Variants in CACNB4 observed in about 807,000 individuals in gnomAD.
The protein encoded by CACNB4 is calcium voltage-gated channel auxiliary subunit beta 4.
Under a neutral mutation model 71.2 loss-of-function variants are expected in CACNB4, and 32 were observed. The observed-to-expected ratio is 0.45, with a 90% confidence interval of 0.34 to 0.60. CACNB4 has a LOEUF of 0.60. Among genes scored for constraint, CACNB4 ranks in the 20% least tolerant of loss-of-function variants. The probability of loss-of-function intolerance (pLI) is 0.01; values close to 1 mark genes in which losing one functional copy is unlikely to be tolerated. For synonymous variants in CACNB4, 231 were observed against 236.9 expected (o/e 0.97, Z 0.23); for missense variants, 464 against 647.9 (o/e 0.72, Z 3.08).
chr2:151,906,242 C>T (rs1223923733), intron 2 of CACNB4, among the ~76,000 whole-genome samples: 2 of 152,208 alleles, frequency 1.3e-5, no homozygotes, highest in African/African-American at 4.8e-5. Context: ...AGCATCTCAC[C>T]AACCCCTTTA....
intron 10 of CACNB4, 26 bp from the exon 11 acceptor site, chr2:151,855,401 C>A (rs2099840024): frequency 3.9e-6 from 6 of 1,531,662 alleles, no homozygotes; most frequent in Non-Finnish European, 5.4e-6. Context: ...ATAAATAGAT[C>A]CCGGTTATTG....
At chr2:151,885,241 C>T (rs983660252) in intron 2 of CACNB4, among the ~76,000 whole-genome samples, 4 of 152,226 alleles carry the variant, frequency 2.6e-5, no homozygotes, top group African/African-American at 9.6e-5. Context: ...GTCTTCTTGT[C>T]TATTAAAGAG....
intron 2 of CACNB4, chr2:151,962,717 T>A (rs556221406): frequency 3.9e-4 from 59 of 152,370 alleles, no homozygotes; most frequent in African/African-American, 1.2e-3. Context: ...ATTTAAGTTT[T>A]ATGGGTGTAT....
At chr2:151,870,163 T>C (rs1282477610) in intron 8 of CACNB4, 2 of 641,462 alleles carry the variant, frequency 3.1e-6, no homozygotes, top group African/African-American at 3.6e-5. Flanking sequence ...TGCTGGAAGA[T>C]TGATTGTTTG....
At chr2:151,854,996 C>T (rs1382175079) in intron 11 of CACNB4, 1 of 365,820 alleles carries the variant, frequency 2.7e-6, no homozygotes, top group Non-Finnish European at 4.9e-6. Context: ...TATACACTTG[C>T]ATAACTGTCT....
chr2:151,963,212 T>C (rs2099870123), intron 2 of CACNB4, among the ~76,000 whole-genome samples: 1 of 149,256 alleles, frequency 6.7e-6, no homozygotes, highest in Admixed American at 6.8e-5. Context: ...CATGGGAGGC[T>C]GAGGCAGGAG....
intron 2 of CACNB4, among the ~76,000 whole-genome samples, chr2:152,084,036 G>A (rs1478143847): frequency 6.6e-6 from 1 of 152,156 alleles, no homozygotes; most frequent in Non-Finnish European, 1.5e-5. Context: ...TGTGAGTATG[G>A]CGTAACTGAG....
intron 2 of CACNB4, among the ~76,000 whole-genome samples, chr2:152,073,601 G>A (rs1686821893): frequency 6.6e-6 from 1 of 152,172 alleles, no homozygotes; most frequent in South Asian, 2.1e-4. Flanking sequence ...GTTAAGTAAT[G>A]TTAAGGGATT....
chr2:151,883,266 C>T lies in CACNB4; in HGVS notation c.252G>A (p.Gln84=), dbSNP rs1277200374. ...RQEREQQAAI[Q]LERAKSKPVA... Reference sequence around the variant, plus strand: ...AGAGACTCACCTTTGCTCTCTCAAGCTGGATAGCTGCTTGCTGTTCTCTCT... The same window carrying T: ...AGAGACTCACCTTTGCTCTCTCAAGTTGGATAGCTGCTTGCTGTTCTCTCT... Residue 84 remains glutamine (Q), a synonymous_variant, in exon 3 of 14, where the codon CAG becomes CAA. Coordinates refer to ENST00000539935, the MANE Select transcript of CACNB4 (RefSeq NM_000726.5). The T allele has an allele frequency of 6.2e-7, 1 of 1,613,982 alleles. No individual in the cohort carries two copies. The highest frequency in any genetic ancestry group is 1.7e-5 in the Admixed American group (1 of 60,028).
chr2:151,882,135 T>TCCCAAAGTGCCTC (rs1308963129), intron 3 of CACNB4, among the ~76,000 whole-genome samples: 1 of 141,362 alleles, frequency 7.1e-6, no homozygotes, highest in Non-Finnish European at 1.5e-5. Flanking sequence ...CGCCTCGGCC[T>TCCCAAAGTGCCTC]CCCAAAGTGC....
intron 2 of CACNB4, among the ~76,000 whole-genome samples, chr2:152,014,440 A>G (rs1001572957): frequency 6.6e-6 from 1 of 152,110 alleles, no homozygotes; most frequent in Non-Finnish European, 1.5e-5. Context: ...CTAAAGAATC[A>G]TAATTTTTGG....
chr2:152,060,907 G>A (rs1685977581), intron 2 of CACNB4, among the ~76,000 whole-genome samples: 1 of 152,188 alleles, frequency 6.6e-6, no homozygotes, highest in African/African-American at 2.4e-5. Flanking sequence ...ATGAAAAGAT[G>A]TAACAAAATG....
chr2:151,923,480 G>A (rs1370460469), intron 2 of CACNB4, among the ~76,000 whole-genome samples: 1 of 152,152 alleles, frequency 6.6e-6, no homozygotes, highest in Non-Finnish European at 1.5e-5. Context: ...CCATGACCCC[G>A]TGTAGCCCCT....
chr2:151,921,176 AATAAATAAGTT>A (rs1305164149), intron 2 of CACNB4, among the ~76,000 whole-genome samples: 59 of 60,890 alleles, frequency 9.7e-4, no homozygotes, highest in Middle Eastern at 0.016. Flanking sequence ...TAAATAAATA[AATAAATAAGTT>A]AAAAAAAAAC....
intron 2 of CACNB4, among the ~76,000 whole-genome samples, chr2:151,929,528 T>C (rs957428121): frequency 1.3e-5 from 2 of 152,248 alleles, no homozygotes; most frequent in African/African-American, 4.8e-5. Context: ...AAGATACCAT[T>C]GTCTTTGTTC....
intron 7 of CACNB4, 35 bp from the exon 8 acceptor site, chr2:151,870,646 A>C: frequency 6.5e-7 from 1 of 1,545,210 alleles, no homozygotes; most frequent in Non-Finnish European, 8.9e-7. Flanking sequence ...TGACAAGGTG[A>C]GGTTGAGCAT....
chr2:151,957,718 G>T (rs2099868697), intron 2 of CACNB4, among the ~76,000 whole-genome samples: 1 of 152,148 alleles, frequency 6.6e-6, no homozygotes, highest in South Asian at 2.1e-4. Flanking sequence ...CTGAATCAAA[G>T]TCTCCTAAGA....
chr2:152,024,744 G>A (rs1327674484), intron 2 of CACNB4, among the ~76,000 whole-genome samples: 1 of 152,174 alleles, frequency 6.6e-6, no homozygotes, highest in Non-Finnish European at 1.5e-5. Flanking sequence ...AATATGGTGG[G>A]CATCACACAT....
chr2:152,062,130 C>T (rs951578448), intron 2 of CACNB4, among the ~76,000 whole-genome samples: 2 of 151,846 alleles, frequency 1.3e-5, no homozygotes, highest in African/African-American at 4.8e-5. Context: ...GATAAATTCA[C>T]TTTCTATGTA....
Sources: gnomAD v4.1 joint callset for allele counts (sites outside exome capture counted in the v4.1 genomes callset) on GRCh38, gnomAD v4.1.1 for gene constraint, MANE v1.5 for transcripts, NCBI Gene and HGNC (gene_info 2026-07-23, HGNC 2026-07-21) for gene names.